Variants in CCDC3 observed in about 807,000 individuals in gnomAD.
CCDC3 encodes coiled-coil domain-containing protein 3.
Under a neutral mutation model 21.4 loss-of-function variants are expected in CCDC3, and 24 were observed. The ratio of observed to expected loss-of-function variants is 1.12; its 90% CI spans 0.81 to 1.58. The LOEUF (loss-of-function observed/expected upper bound fraction) is 1.58, where lower values mean the gene tolerates loss of function less well. Ranked by LOEUF, CCDC3 falls within the 40% of genes most tolerant of loss-of-function variation. The pLI, the probability that CCDC3 is intolerant of heterozygous loss-of-function variation, is 0.00. For missense variants in CCDC3, 425 were observed against 360.9 expected (o/e 1.18, Z -1.44); for synonymous variants, 186 against 166.0 (o/e 1.12, Z -0.93).
At chr10:12,972,247 T>C (rs745960229) in intron 2 of CCDC3, among the ~76,000 whole-genome samples, 2 of 152,134 alleles carry the variant, frequency 1.3e-5, no homozygotes, top group Non-Finnish European at 2.9e-5. Context: ...TTTCACCACA[T>C]TTACAACCAA....
At chr10:12,941,708 T>C (rs902613914) in intron 2 of CCDC3, among the ~76,000 whole-genome samples, 1 of 152,172 alleles carries the variant, frequency 6.6e-6, no homozygotes, top group Non-Finnish European at 1.5e-5. Flanking sequence ...CTACATAACT[T>C]AGTATAAAAA....
intron 2 of CCDC3, among the ~76,000 whole-genome samples, chr10:12,992,699 C>T (rs1039139743): frequency 6.6e-6 from 1 of 152,158 alleles, no homozygotes; most frequent in East Asian, 1.9e-4. Flanking sequence ...ACACTGGGTA[C>T]AGTATACACT....
chr10:12,932,439 T>G (rs7088536), intron 2 of CCDC3, among the ~76,000 whole-genome samples: 15,332 of 152,206 alleles, frequency 0.1, 837 homozygotes, highest in African/African-American at 0.15. Context: ...GGAGTATGGT[T>G]TCTACTGAAT....
chr10:12,950,637 G>C (rs986008766), intron 2 of CCDC3, among the ~76,000 whole-genome samples: 2 of 152,098 alleles, frequency 1.3e-5, no homozygotes, highest in African/African-American at 4.8e-5. Context: ...CCTTATCCTG[G>C]ACTTTGACTT....
intron 2 of CCDC3, among the ~76,000 whole-genome samples, chr10:12,904,489 A>AAAAAAAAAAAAAAAC (rs1834142106): frequency 6.7e-6 from 1 of 149,768 alleles, no homozygotes; most frequent in Non-Finnish European, 1.5e-5. Context: ...AAAAAAAAAA[A>AAAAAAAAAAAAAAAC]AAGACTGGCT....
intron 2 of CCDC3, chr10:12,924,775 T>C (rs1185790487): frequency 6.6e-6 from 1 of 152,220 alleles, no homozygotes; most frequent in Non-Finnish European, 1.5e-5. Flanking sequence ...TTCAGGGTGC[T>C]ACGGCCGTAA....
At chr10:12,969,604 T>C (rs1010799016) in intron 2 of CCDC3, among the ~76,000 whole-genome samples, 2 of 151,356 alleles carry the variant, frequency 1.3e-5, no homozygotes, top group Non-Finnish European at 2.9e-5. Context: ...AAGTGTTTAT[T>C]GACAGATGAA....
intron 2 of CCDC3, among the ~76,000 whole-genome samples, chr10:12,940,776 C>T (rs1834816441): frequency 6.6e-6 from 1 of 152,098 alleles, no homozygotes; most frequent in Non-Finnish European, 1.5e-5. Context: ...ATAGCCTAAC[C>T]CTCCATGTTC....
rs143862970 is a variant in CCDC3 at position 12,932,544 on chromosome 10, G to A, written c.550-33865C>T. On this transcript the variant is annotated intron_variant, in intron 2 of 2. Transcript: ENST00000378825. ...GTATGCATGTAATCTTGCTACAATT[G>A]CTTATTAGTGCCAGGAGTCTTTTGC... 1.0e-2 allele frequency among the ~76,000 whole-genome samples: 1,519 copies of A among 152,232 alleles called. 8 individuals are homozygous for A. The highest frequency in any genetic ancestry group is 0.027 in the Middle Eastern group (8 of 294).
In CCDC3 at chr10:13,008,902, G is replaced by A. The variant is rs570865439; in HGVS notation, c.-1-10390C>T. 4.6e-5 allele frequency among the ~76,000 whole-genome samples: 7 copies of A among 152,184 alleles called. No individual in the cohort carries two copies. The South Asian group carries it at 8.3e-4, about 18-fold the overall frequency. On this transcript the variant is annotated intron_variant, in intron 5 of 6. Coordinates refer to the CCDC3 transcript ENST00000378839. ...AGACAAGGATGTTCAGTTTCATCAC[G>A]TCTACTCAACATAGTACTGGAGGTT...
At chr10:12,938,543 T>G (rs1297242369) in intron 2 of CCDC3, among the ~76,000 whole-genome samples, 2 of 152,210 alleles carry the variant, frequency 1.3e-5, no homozygotes, top group Admixed American at 6.5e-5. Context: ...AGCTTTGCCA[T>G]GTACTAGCTA....
chr10:13,085,565 G>C (rs17152819), intron 3 of CCDC3, among the ~76,000 whole-genome samples: 1 of 152,198 alleles, frequency 6.6e-6, no homozygotes, highest in Non-Finnish European at 1.5e-5. Context: ...ATTGAAGACC[G>C]TGGAAAGCAG....
intron 4 of CCDC3, among the ~76,000 whole-genome samples, chr10:13,051,040 C>T (rs1003572372): frequency 1.3e-5 from 2 of 152,178 alleles, no homozygotes; most frequent in African/African-American, 4.8e-5. Flanking sequence ...ATCCTTCCAC[C>T]TTAGCCACTC....
At chr10:12,957,660 C>A (rs1835112228) in intron 2 of CCDC3, among the ~76,000 whole-genome samples, 1 of 152,102 alleles carries the variant, frequency 6.6e-6, no homozygotes, top group African/African-American at 2.4e-5. Context: ...CTGATTGTTT[C>A]TAAGCGTGCG....
chr10:13,028,315 A>G (rs1373614445), intron 5 of CCDC3, among the ~76,000 whole-genome samples: 2 of 152,014 alleles, frequency 1.3e-5, no homozygotes, highest in Non-Finnish European at 2.9e-5. Flanking sequence ...CTCCTCCTTC[A>G]CCTTCTGACA....
intron 2 of CCDC3, among the ~76,000 whole-genome samples, chr10:12,932,947 T>G (rs7913019): frequency 1.3e-5 from 2 of 152,192 alleles, no homozygotes; most frequent in Non-Finnish European, 2.9e-5. Flanking sequence ...TAGCTTGTCA[T>G]GATGAATTGC....
chr10:13,024,630 C>T (rs779729850), intron 5 of CCDC3, among the ~76,000 whole-genome samples: 5 of 152,158 alleles, frequency 3.3e-5, no homozygotes, highest in Non-Finnish European at 5.9e-5. Flanking sequence ...AATTATAGCT[C>T]CTTTTTAGTT....
At chr10:13,015,363 G>C (rs11813075) in intron 5 of CCDC3, among the ~76,000 whole-genome samples, 2,881 of 152,110 alleles carry the variant, frequency 0.019, 78 homozygotes, top group African/African-American at 0.064. Context: ...TTGCTCTCCG[G>C]GAGCTGATAT....
intron 2 of CCDC3, among the ~76,000 whole-genome samples, chr10:12,927,410 T>C (rs1050013740): frequency 6.6e-6 from 1 of 152,222 alleles, no homozygotes; most frequent in African/African-American, 2.4e-5. Context: ...TAATACTCAG[T>C]ACAACTGCCT....
Sources: allele counts gnomAD v4.1 joint callset (sites outside exome capture counted in the v4.1 genomes callset), GRCh38; gene constraint gnomAD v4.1.1; transcripts MANE v1.5; gene names NCBI Gene and HGNC (gene_info 2026-07-23, HGNC 2026-07-21).